The following NUP88 variants were observed in gnomAD, a reference collection of about 807,000 sequenced individuals.
NUP88 encodes the protein nuclear pore complex protein Nup88.
A neutral mutation model predicts 93.9 loss-of-function variants in NUP88; 57 were observed. The ratio of observed to expected loss-of-function variants is 0.61; its 90% confidence interval spans 0.49 to 0.76. The LOEUF is 0.76. NUP88 is among the 30% of genes least tolerant of loss of function. NUP88 has a pLI of 0.00. For synonymous variants in NUP88, 346 were observed against 336.8 expected (o/e 1.03, Z -0.30); for missense variants, 911 against 901.0 (o/e 1.01, Z -0.14).
rs1225767939 is a variant in NUP88, at chr17:5,394,940, G to A, written c.1333C>T (p.Gln445Ter). The A allele has an allele frequency of 1.2e-6, 2 of 1,613,466 alleles. No homozygotes were observed. Among genetic ancestry groups the A allele is most frequent in the African/African-American group, 1.3e-5 (1 of 74,908 alleles). The stretch of plus-strand genomic sequence containing the variant: ...AGGATGTGTTCAACAAAGCATTTCT[G>A]TTCTGTAGAGAGTTCCTGTAAACTA... Reference protein sequence around the residue: ...KDSLQELSTEQKCFVEHILCT... With the variant: ...KDSLQELSTE Residue 445 changes from glutamine to a stop codon, truncating the protein, a stop_gained, in exon 9 of 17, where the codon CAG becomes TAG. Transcript: ENST00000573584. LOFTEE classifies it high-confidence loss of function.
chr17:5,387,963 A>G (rs1198338064), intron 11 of NUP88, 59 bp from the exon 12 acceptor site: 2 of 1,539,024 alleles, frequency 1.3e-6, no homozygotes, highest in Admixed American at 2.0e-5. Flanking sequence ...CTGAAAATAA[A>G]TAGACTCAAG....
Position 5,399,549 on chromosome 17 carries a change from C to A in NUP88, c.1291+3G>T. The A allele has an allele frequency of 6.5e-7, 1 of 1,527,214 alleles. No individual in the cohort carries two copies. The highest frequency in any genetic ancestry group is 9.1e-7 in the Non-Finnish European group (1 of 1,104,026). 94.6% of individuals were successfully genotyped at this position (1,527,214 alleles called of 1,614,324 possible). A position where few individuals can be genotyped will look rare whatever the true frequency, so the allele number is the denominator to read the frequency against. Reference sequence around the variant, plus strand: ...TAAAAGTGCAGAGAGTTAGTAAACTCACCTGATCCAAGAAATTTGTGAAGT... The same window carrying A: ...TAAAAGTGCAGAGAGTTAGTAAACTAACCTGATCCAAGAAATTTGTGAAGT... On this transcript the variant is annotated splice_donor_region_variant and intron_variant, in intron 8 of 16. Transcript: ENST00000573584.
At chr17:5,410,897 T>C (rs1300198391) in intron 3 of NUP88, 108 bp from the exon 4 acceptor site, 5 of 715,800 alleles carry the variant, frequency 7.0e-6, no homozygotes, top group Non-Finnish European at 1.2e-5. Flanking sequence ...CTAACACTTA[T>C]CACAACTATT....
rs770062433 is a variant in NUP88 at position 5,419,435 on chromosome 17, G to A, written c.216C>T (p.Asp72=). The change falls in exon 1 of 17, where the codon GAC becomes GAT. Residue 72 remains aspartate (D), a synonymous_variant. Coordinates refer to ENST00000573584, the MANE Select transcript of NUP88 (RefSeq NM_002532.6). ...FGLGGELFLW[D]GEDSSFLVVR... Reference sequence around the variant, plus strand: ...CGACTAAGAAGGAGCTGTCTTCTCCGTCCCACAGGAAAAGCTCTCCGCCGA... The same window carrying A: ...CGACTAAGAAGGAGCTGTCTTCTCCATCCCACAGGAAAAGCTCTCCGCCGA... 1 of 1,613,872 alleles carries A rather than the reference G, an allele frequency of 6.2e-7. No homozygotes were observed. Among genetic ancestry groups the A allele is most frequent in the Non-Finnish European group, 8.5e-7 (1 of 1,179,916 alleles).
intron 10 of NUP88, among the ~76,000 whole-genome samples, chr17:5,390,457 T>C (rs961471986): frequency 2.0e-5 from 3 of 152,180 alleles, no homozygotes; most frequent in Non-Finnish European, 4.4e-5. Flanking sequence ...GAAGATCCTC[T>C]AAGGACAGTA....
intron 4 of NUP88, among the ~76,000 whole-genome samples, chr17:5,409,144 T>C (rs1913673637): frequency 1.3e-5 from 2 of 151,988 alleles, no homozygotes; most frequent in Non-Finnish European, 2.9e-5. Flanking sequence ...GAGGCCGAGG[T>C]GGGTGGATCA....
intron 8 of NUP88, among the ~76,000 whole-genome samples, chr17:5,398,666 C>T (rs555130678): frequency 6.6e-6 from 1 of 151,650 alleles, no homozygotes; most frequent in South Asian, 2.1e-4. Context: ...CCTCGGCTCA[C>T]TGCAACCTCC....
chr17:5,417,284 C>A (rs1914206749), intron 1 of NUP88, among the ~76,000 whole-genome samples: 1 of 152,154 alleles, frequency 6.6e-6, no homozygotes, highest in Non-Finnish European at 1.5e-5. Flanking sequence ...GGCACTCCAG[C>A]ATTTCTGTAT....
chr17:5,398,507 G>C (rs571313371), intron 8 of NUP88, among the ~76,000 whole-genome samples: 1 of 151,618 alleles, frequency 6.6e-6, no homozygotes, highest in South Asian at 2.1e-4. Flanking sequence ...TAGACTGTTC[G>C]CAAACTCCCC....
At chr17:5,402,893 C>T (rs994717359) in intron 7 of NUP88, among the ~76,000 whole-genome samples, 1 of 152,012 alleles carries the variant, frequency 6.6e-6, no homozygotes, top group Non-Finnish European at 1.5e-5. Context: ...ACTCCAGAGG[C>T]TGAGGTGAGA....
rs1675353707 is a variant in NUP88 at position 5,419,375 on chromosome 17, C to G, written c.276G>C (p.Glu92Asp). 4 of 1,601,122 alleles carry G rather than the reference C, an allele frequency of 2.5e-6. No homozygotes were observed. Among genetic ancestry groups the G allele is most frequent in the East Asian group, 2.2e-5 (1 of 44,716 alleles). The change falls in exon 1 of 17, where the codon GAG becomes GAC. Residue 92 changes from glutamate to aspartate, a missense_variant. Coordinates refer to ENST00000573584, the MANE Select transcript of NUP88 (RefSeq NM_002532.6). ...RLRGPSGGGE[E>D]PALSQYQRLL... ...TTACCTGGTACTGGGACAGGGCGGG[C>G]TCTTCGCCGCCGCCGCTGGGGCCCC...
chr17:5,394,834 C>A, intron 9 of NUP88, 57 bp downstream of exon 9: 1 of 1,181,444 alleles, frequency 8.5e-7, no homozygotes, highest in Non-Finnish European at 1.3e-6. Context: ...ACAAACGTAT[C>A]TGAACTGCTG....
chr17:5,419,322 G>A (rs559157887), intron 1 of NUP88, 32 bp downstream of exon 1: 1 of 1,525,918 alleles, frequency 6.6e-7, no homozygotes, highest in South Asian at 1.3e-5. Flanking sequence ...CGATCCCGGT[G>A]AGGGTCACTT....
At chr17:5,387,543 AG>A (rs761982506) in intron 13 of NUP88, 61 bp downstream of exon 13, 104 of 1,594,502 alleles carry the variant, frequency 6.5e-5, no homozygotes, top group Admixed American at 1.3e-4. Context: ...TCAGCATCTT[AG>A]GGTGAGAATA....
chr17:5,415,001 T>C lies in NUP88; in HGVS notation c.468-867A>G, dbSNP rs190726728. On this transcript the variant is annotated intron_variant, in intron 2 of 16. Transcript: ENST00000573584. ...AAATAATTTATTTATTTTAATAATTTAAATTATTTATTTAAATTTTATTTG... is the reference window on the plus strand; with the variant it reads ...AAATAATTTATTTATTTTAATAATTCAAATTATTTATTTAAATTTTATTTG... 2.4e-3 allele frequency among the ~76,000 whole-genome samples: 366 copies of C among 150,126 alleles called. 3 individuals carry two copies. The highest frequency in any genetic ancestry group is 9.0e-3 in the African/African-American group (359 of 39,978).
chr17:5,393,114 A>G (rs369204794), intron 9 of NUP88, among the ~76,000 whole-genome samples: 4 of 119,552 alleles, frequency 3.3e-5, no homozygotes, highest in Middle Eastern at 3.8e-3. Flanking sequence ...CACTACACCC[A>G]GCTAATTTTT....
In NUP88 at chr17:5,404,082, T is replaced by G; in HGVS notation, c.1192+17A>C. The G allele has an allele frequency of 6.2e-7, 1 of 1,611,584 alleles. No individual in the cohort carries two copies. The highest frequency in any genetic ancestry group is 8.5e-7 in the Non-Finnish European group (1 of 1,178,188). On this transcript the variant is annotated intron_variant, in intron 7 of 16. Transcript: ENST00000573584. The stretch of plus-strand genomic sequence containing the variant: ...AAAATCATGGGAAAAAAGCACTACA[T>G]TTATTGAAGAGCTTACCTCTATGAA...
intron 1 of NUP88, 137 bp from the exon 2 acceptor site, chr17:5,416,819 C>A: frequency 6.3e-6 from 4 of 629,940 alleles, no homozygotes; most frequent in South Asian, 2.4e-5. Flanking sequence ...ACACTTGTAC[C>A]ATTAACTCAC....
chr17:5,411,157 T>C (rs1806257), intron 3 of NUP88, among the ~76,000 whole-genome samples: 3,408 of 152,304 alleles, frequency 0.022, 50 homozygotes, highest in Middle Eastern at 0.061. Context: ...TCTCTGCCTA[T>C]TGGACACCAA....
Sources: allele counts gnomAD v4.1 joint callset (sites outside exome capture counted in the v4.1 genomes callset), GRCh38; gene constraint gnomAD v4.1.1; transcripts MANE v1.5; gene names NCBI Gene and HGNC (gene_info 2026-07-23, HGNC 2026-07-21).